Variants in PCDHGB3 observed in about 807,000 individuals in gnomAD.
PCDHGB3 encodes the protein protocadherin gamma subfamily B, 3.
In PCDHGB3, 40 loss-of-function variants were observed where a neutral mutation model predicts 59.2. The observed-to-expected ratio is 0.68, with a 90% CI of 0.52 to 0.88. PCDHGB3 has a LOEUF of 0.88. Among genes scored for constraint, PCDHGB3 ranks in the 40% least tolerant of loss-of-function variants. PCDHGB3 has a pLI of 0.00. For synonymous variants in PCDHGB3, 581 were observed against 503.6 expected (o/e 1.15, Z -2.06); for missense variants, 1,309 against 1,187.9 (o/e 1.10, Z -1.50).
chr5:141,456,389 TTTGA>T (rs1181323617), intron 1 of PCDHGB3, among the ~76,000 whole-genome samples: 2 of 152,074 alleles, frequency 1.3e-5, no homozygotes, highest in Non-Finnish European at 2.9e-5. Flanking sequence ...CCGTTTGGAG[TTTGA>T]TTGCTTCTAG....
chr5:141,394,269 C>T (rs367765478), intron 1 of PCDHGB3: 2 of 1,613,948 alleles, frequency 1.2e-6, no homozygotes, highest in Admixed American at 3.3e-5. Context: ...GGAGAATGCC[C>T]AGGTCACTTA....
chr5:141,421,760 A>G, intron 1 of PCDHGB3: 1 of 1,613,868 alleles, frequency 6.2e-7, no homozygotes, highest in South Asian at 1.1e-5. Context: ...CCTAATAATT[A>G]CTTTTCCTTG....
At chr5:141,480,698 C>T (rs1394538159) in intron 1 of PCDHGB3, among the ~76,000 whole-genome samples, 1 of 152,198 alleles carries the variant, frequency 6.6e-6, no homozygotes, top group Admixed American at 6.5e-5. Context: ...ACCCAGGCCA[C>T]ACCCCGACAA....
At chr5:141,413,330 T>C (rs770842309) in intron 1 of PCDHGB3, 1 of 1,613,930 alleles carries the variant, frequency 6.2e-7, no homozygotes. Context: ...GTGGGCAACA[T>C]CTCCAAGGAC....
At chr5:141,409,098 G>A in intron 1 of PCDHGB3, 2 of 1,613,994 alleles carry the variant, frequency 1.2e-6, no homozygotes, top group Non-Finnish European at 1.7e-6. Flanking sequence ...GAGAAAACAG[G>A]TATGATTAAG....
intron 1 of PCDHGB3, among the ~76,000 whole-genome samples, chr5:141,460,672 TATATCTATATA>T (rs2098995194): frequency 6.6e-6 from 1 of 152,086 alleles, no homozygotes; most frequent in Admixed American, 6.6e-5. Flanking sequence ...AACACAGTTA[TATATCTATATA>T]TCCACCAACA....
intron 1 of PCDHGB3, chr5:141,399,208 C>G: frequency 6.2e-7 from 1 of 1,613,958 alleles, no homozygotes; most frequent in Non-Finnish European, 8.5e-7. Context: ...GCCTGGAACA[C>G]TAATTGCTTT....
intron 1 of PCDHGB3, among the ~76,000 whole-genome samples, chr5:141,475,341 C>T (rs1306106224): frequency 6.6e-6 from 1 of 152,162 alleles, no homozygotes; most frequent in Non-Finnish European, 1.5e-5. Context: ...CAATGACATC[C>T]AGTTTTAAAA....
chr5:141,379,992 T>G (rs1776127891), intron 1 of PCDHGB3, among the ~76,000 whole-genome samples: 1 of 144,024 alleles, frequency 6.9e-6, no homozygotes, highest in South Asian at 2.4e-4. Flanking sequence ...TTCCTCCTCC[T>G]GGGTTCAAGC....
rs765263883 is a variant in PCDHGB3 at position 141,491,018 on chromosome 5, C to T, written c.2416-3789C>T. On this transcript the variant is annotated intron_variant, in intron 1 of 3. Coordinates refer to ENST00000576222, the MANE Select transcript of PCDHGB3 (RefSeq NM_018924.5). This position sits in a 1 kb window ranked among gnomAD's most constrained non-coding sequence, Gnocchi z 6.9. The stretch of plus-strand genomic sequence containing the variant: ...CCTGGCTCCTTGGTCACCAAGGTGA[C>T]AGCCGTGGATGCTGATGCAGGCCAC... 1.2e-6 allele frequency: 2 copies of T among 1,614,146 alleles called. No individual in the cohort carries two copies. The highest frequency in any genetic ancestry group is 1.7e-6 in the Non-Finnish European group (2 of 1,180,042).
Position 141,486,255 on chromosome 5 carries a change from A to G in PCDHGB3, c.2416-8552A>G. 1 of 1,614,028 alleles carries G rather than the reference A, an allele frequency of 6.2e-7. No homozygotes were observed. Reference sequence around the variant, plus strand: ...ACCTCAGAGCTTGGAACCCTCCCCGAGAGTGCAGAACCTGGCACTGTGGTG... The same window carrying G: ...ACCTCAGAGCTTGGAACCCTCCCCGGGAGTGCAGAACCTGGCACTGTGGTG... On this transcript the variant is annotated intron_variant, in intron 1 of 3. Coordinates refer to ENST00000576222, the MANE Select transcript of PCDHGB3 (RefSeq NM_018924.5). This position sits in a 1 kb window ranked among gnomAD's most constrained non-coding sequence, Gnocchi z 5.0.
At chr5:141,444,561 G>A (rs1554133061) in intron 1 of PCDHGB3, among the ~76,000 whole-genome samples, 2 of 152,098 alleles carry the variant, frequency 1.3e-5, no homozygotes, top group Non-Finnish European at 2.9e-5. Context: ...GCACTTATTT[G>A]ACACTTTTGA....
intron 1 of PCDHGB3, chr5:141,419,426 G>C: frequency 6.2e-7 from 1 of 1,613,312 alleles, no homozygotes; most frequent in Non-Finnish European, 8.5e-7. Flanking sequence ...CTTCGACCAC[G>C]AGCAGCTGCG....
chr5:141,471,338 A>G (rs1562030662), intron 1 of PCDHGB3: 1 of 152,234 alleles, frequency 6.6e-6, no homozygotes, highest in Non-Finnish European at 1.5e-5. Context: ...GGTATGATCC[A>G]CTGCGCCCGG....
Position 141,477,426 on chromosome 5 carries a change from T to G in PCDHGB3, c.2416-17381T>G. 1 of 1,614,100 alleles carries G rather than the reference T, an allele frequency of 6.2e-7. No individual in the cohort carries two copies. Among genetic ancestry groups the G allele is most frequent in the East Asian group, 2.2e-5 (1 of 44,874 alleles). The stretch of plus-strand genomic sequence containing the variant: ...GCCCGAGACGCCGGAACCCCTTCCC[T>G]CTCAGCCCTTACAATAGTGCGTGTT... On this transcript the variant is annotated intron_variant, in intron 1 of 3. Coordinates refer to ENST00000576222, the MANE Select transcript of PCDHGB3 (RefSeq NM_018924.5). The surrounding 1 kb of genome is among the most constrained non-coding windows in gnomAD (Gnocchi z 4.9).
In PCDHGB3 at chr5:141,371,563, T is replaced by C; in HGVS notation, c.1169T>C (p.Phe390Ser). 2 of 1,613,806 alleles carry C rather than the reference T, an allele frequency of 1.2e-6. No homozygotes were observed. The highest frequency in any genetic ancestry group is 1.7e-6 in the Non-Finnish European group (2 of 1,179,812). ...ATCCTATGCCAACTAAAAGGAAACT[T>C]CCCCTTTAAAATCGTTCAAGATACC... ...GEILCQLKGN[F>S]PFKIVQDTKN... Residue 390 changes from phenylalanine to serine, a missense_variant, in exon 1 of 4, where the codon TTC (phenylalanine) becomes TCC (serine). Transcript: ENST00000576222.
At chr5:141,388,579 T>A (rs113550354) in intron 1 of PCDHGB3, 7 of 1,613,908 alleles carry the variant, frequency 4.3e-6, no homozygotes, top group Non-Finnish European at 5.1e-6. Flanking sequence ...CACGTTCTAG[T>A]GACTGATGCC....
intron 1 of PCDHGB3, chr5:141,418,230 A>T (rs745395585): frequency 6.2e-7 from 1 of 1,614,058 alleles, no homozygotes; most frequent in Non-Finnish European, 8.5e-7. Context: ...GTGGTGATTG[A>T]GGATGTTAAT....
At chr5:141,463,301 A>G (rs1277348576) in intron 1 of PCDHGB3, among the ~76,000 whole-genome samples, 2 of 151,638 alleles carry the variant, frequency 1.3e-5, no homozygotes, top group South Asian at 2.1e-4. Flanking sequence ...AATCTCCCCA[A>G]ACTCTAATAT....
Sources: allele counts gnomAD v4.1 joint callset (sites outside exome capture counted in the v4.1 genomes callset), GRCh38; gene constraint gnomAD v4.1.1; non-coding constraint Gnocchi (gnomAD v3.1); transcripts MANE v1.5; gene names NCBI Gene and HGNC (gene_info 2026-07-23, HGNC 2026-07-21).